Variants in NEGR1 observed in about 807,000 individuals in gnomAD.
NEGR1 encodes the protein neuronal growth regulator 1, also known as IgLON family member 4.
NEGR1 carries 10 observed loss-of-function variants against 40.9 expected under a neutral mutation model. The observed-to-expected ratio is 0.24, with a 90% CI of 0.15 to 0.42. The LOEUF is 0.42. Ranked by LOEUF, NEGR1 falls within the 10% of genes least tolerant of loss-of-function variation. The pLI is 1.00. For missense variants in NEGR1, 352 were observed against 438.9 expected (o/e 0.80, Z 1.77); for synonymous variants, 185 against 166.8 (o/e 1.11, Z -0.84).
intron 1 of NEGR1, among the ~76,000 whole-genome samples, chr1:72,280,983 G>A (rs962504308): frequency 6.6e-6 from 1 of 152,030 alleles, no homozygotes; most frequent in Non-Finnish European, 1.5e-5. Flanking sequence ...GGAATAGGGC[G>A]TTTAGCTTTG....
chr1:71,468,302 A>G (rs1412776215), intron 6 of NEGR1: 1 of 151,954 alleles, frequency 6.6e-6, no homozygotes, highest in Non-Finnish European at 1.5e-5. Context: ...TGCATATCTG[A>G]TGAATCCACC....
intron 3 of NEGR1, among the ~76,000 whole-genome samples, chr1:71,737,340 A>T (rs1026249364): frequency 1.3e-5 from 2 of 151,626 alleles, no homozygotes; most frequent in African/African-American, 4.8e-5. Context: ...GAGGTGAGAA[A>T]ACAGCCTTTT....
chr1:71,812,217 G>A (rs1658029006), intron 2 of NEGR1, among the ~76,000 whole-genome samples: 1 of 152,126 alleles, frequency 6.6e-6, no homozygotes, highest in South Asian at 2.1e-4. Context: ...CCCCTGCAAA[G>A]GACATTAATT....
In NEGR1 at chr1:71,609,087, GC is replaced by G. The variant is rs1265784959; in HGVS notation, c.788+1938del. ...ATAAAAATATGGAGTCTTCTACTAA[GC>G]TATAAAAAGGCAAATTCAGAATTAG... is the stretch of plus-strand genomic sequence containing the variant. On this transcript the variant is annotated intron_variant, in intron 5 of 6. Transcript: ENST00000357731. Among the ~76,000 whole-genome samples, 3 of 151,952 alleles carry G rather than the reference GC, an allele frequency of 2.0e-5. No individual in the cohort carries two copies. The East Asian group carries it at 5.8e-4, about 29-fold the overall frequency.
At chr1:72,133,419 A>G (rs1389194163) in intron 1 of NEGR1, among the ~76,000 whole-genome samples, 2 of 152,076 alleles carry the variant, frequency 1.3e-5, no homozygotes, top group East Asian at 3.9e-4. Context: ...AAGGTAAGGA[A>G]AGGGAAAAAA....
chr1:71,435,665 T>C (rs149575412), intron 6 of NEGR1, among the ~76,000 whole-genome samples: 1 of 152,286 alleles, frequency 6.6e-6, no homozygotes, highest in East Asian at 1.9e-4. Flanking sequence ...TGCTCTTATG[T>C]ATAAAGCTGC....
chr1:72,257,047 G>A (rs1196906459), intron 1 of NEGR1, among the ~76,000 whole-genome samples: 1 of 152,098 alleles, frequency 6.6e-6, no homozygotes, highest in Non-Finnish European at 1.5e-5. Flanking sequence ...CATAGGCCGG[G>A]CGCGGTGGCT....
intron 6 of NEGR1, among the ~76,000 whole-genome samples, chr1:71,546,993 G>A (rs1281974757): frequency 6.6e-6 from 1 of 151,638 alleles, no homozygotes; most frequent in African/African-American, 2.4e-5. Flanking sequence ...AAAGTAGAGA[G>A]AGGCTGGCAA....
chr1:71,731,739 T>C (rs1654875648), intron 3 of NEGR1, among the ~76,000 whole-genome samples: 3 of 152,192 alleles, frequency 2.0e-5, no homozygotes, highest in Non-Finnish European at 4.4e-5. Context: ...ATATATTGTT[T>C]TCATATACAG....
At chr1:72,038,481 A>G (rs1646923948) in intron 1 of NEGR1, among the ~76,000 whole-genome samples, 1 of 152,008 alleles carries the variant, frequency 6.6e-6, no homozygotes, top group African/African-American at 2.4e-5. Flanking sequence ...TAGCTGAGAT[A>G]CTTACTGTGT....
At chr1:72,028,406 A>C (rs1646830268) in intron 1 of NEGR1, among the ~76,000 whole-genome samples, 2 of 152,228 alleles carry the variant, frequency 1.3e-5, no homozygotes, top group African/African-American at 4.8e-5. Context: ...CATACATAGA[A>C]CACACATAAA....
chr1:71,677,800 T>C (rs1034055690), intron 4 of NEGR1, among the ~76,000 whole-genome samples: 24 of 152,174 alleles, frequency 1.6e-4, no homozygotes, highest in African/African-American at 5.5e-4. Flanking sequence ...TAACTTGCAG[T>C]CTAGCTTCGT....
At chr1:71,746,734 AC>A (rs1655396484) in intron 3 of NEGR1, among the ~76,000 whole-genome samples, 1 of 147,228 alleles carries the variant, frequency 6.8e-6, no homozygotes, top group South Asian at 2.2e-4. Context: ...ACACACATAC[AC>A]ACACATGTAC....
At chr1:71,801,059 C>T (rs1657538445) in intron 2 of NEGR1, among the ~76,000 whole-genome samples, 1 of 152,134 alleles carries the variant, frequency 6.6e-6, no homozygotes, top group South Asian at 2.1e-4. Flanking sequence ...CATTACTTAA[C>T]CCAGTGACAG....
chr1:71,955,557 T>C (rs1646112680), intron 1 of NEGR1, among the ~76,000 whole-genome samples: 1 of 152,184 alleles, frequency 6.6e-6, no homozygotes, highest in Admixed American at 6.6e-5. Context: ...TCATTTCTTA[T>C]ATAACCTTCA....
chr1:71,871,708 C>T (rs1439059484), intron 2 of NEGR1, among the ~76,000 whole-genome samples: 1 of 152,118 alleles, frequency 6.6e-6, no homozygotes, highest in African/African-American at 2.4e-5. Context: ...TTGTTTTCAC[C>T]TTCTTTACTG....
chr1:71,421,053 A>T (rs756429866), intron 6 of NEGR1, among the ~76,000 whole-genome samples: 1 of 152,040 alleles, frequency 6.6e-6, no homozygotes. Flanking sequence ...CTTTCTTCAC[A>T]TCTTTCATAA....
At position 72,046,668 on chromosome 1, in the gene NEGR1, A is replaced by G. The variant is rs1194147171; in HGVS notation, c.177-111357T>C. On this transcript the variant is annotated intron_variant, in intron 1 of 6. Coordinates refer to ENST00000357731, the MANE Select transcript of NEGR1 (RefSeq NM_173808.3). ...TCTAAGGACACTAAAAAGTAAACCT[A>G]TTTCCAATGGTAATGAAAGGTACTT... Among the ~76,000 whole-genome samples the G allele has an allele frequency of 2.0e-5, 3 of 151,760 alleles. No individual in the cohort carries two copies. The East Asian group carries it at 5.8e-4, about 29-fold the overall frequency.
intron 3 of NEGR1, among the ~76,000 whole-genome samples, chr1:71,746,532 C>A (rs936201587): frequency 1.3e-5 from 2 of 151,996 alleles, no homozygotes; most frequent in East Asian, 3.9e-4. Flanking sequence ...TTATGTAAGT[C>A]CTTAAGTGAC....
Sources: gnomAD v4.1 joint callset for allele counts (sites outside exome capture counted in the v4.1 genomes callset) on GRCh38, gnomAD v4.1.1 for gene constraint, MANE v1.5 for transcripts, NCBI Gene and HGNC (gene_info 2026-07-23, HGNC 2026-07-21) for gene names.